PI4KA: variants seen among roughly 807,000 people sequenced by gnomAD.
PI4KA encodes the protein PI4-kinase alpha.
In PI4KA, 122 loss-of-function variants were observed where a neutral mutation model predicts 271.4. The ratio of observed to expected loss-of-function variants is 0.45; its 90% confidence interval spans 0.39 to 0.52. The LOEUF (loss-of-function observed/expected upper bound fraction) is 0.52. Among genes scored for constraint, PI4KA ranks in the 20% least tolerant of loss-of-function variants. PI4KA has a pLI of 0.00. For synonymous variants in PI4KA, 1,041 were observed against 1,078.8 expected, an observed-to-expected ratio of 0.96 and a Z score of 0.69; for missense variants, 1,969 against 2,769.1, an observed-to-expected ratio of 0.71 and a Z score of 6.48.
At chr22:20,798,728 CT>C in intron 16 of PI4KA, 41 bp from the exon 17 acceptor site, 2 of 1,284,312 alleles carry the variant, frequency 1.6e-6, no homozygotes, top group Admixed American at 3.4e-5. Context: ...GCAGGATGCC[CT>C]CATGAGGCCC....
intron 27 of PI4KA, 90 bp from the exon 28 acceptor site, chr22:20,750,084 C>T: frequency 1.2e-6 from 1 of 821,620 alleles, no homozygotes; most frequent in South Asian, 1.4e-5. Flanking sequence ...TATGTCTCCC[C>T]AAATCCCTAT....
chr22:20,819,599 G>A (rs780154359), intron 6 of PI4KA, 42 bp downstream of exon 6: 2 of 1,572,818 alleles, frequency 1.3e-6, no homozygotes, highest in Non-Finnish European at 1.7e-6. Flanking sequence ...GAGCTTAACA[G>A]GGTCTTTCTC....
At chr22:20,804,943 C>G in intron 11 of PI4KA, 31 bp downstream of exon 11, 1 of 1,557,092 alleles carries the variant, frequency 6.4e-7, no homozygotes, top group South Asian at 1.2e-5. Flanking sequence ...ATGCCTGGAG[C>G]TCACATGAGA....
chr22:20,837,262 A>G (rs768001627), intron 2 of PI4KA, among the ~76,000 whole-genome samples: 2 of 152,202 alleles, frequency 1.3e-5, no homozygotes, highest in Non-Finnish European at 2.9e-5. Context: ...CTATAATCCC[A>G]GCTGCTCAGG....
chr22:20,768,827 G>A (rs1932754891), intron 19 of PI4KA, among the ~76,000 whole-genome samples: 1 of 152,206 alleles, frequency 6.6e-6, no homozygotes, highest in South Asian at 2.1e-4. Context: ...AAGCGACACA[G>A]GGCAGGAAAT....
intron 1 of PI4KA, among the ~76,000 whole-genome samples, chr22:20,841,894 T>C (rs964725955): frequency 2.0e-5 from 3 of 152,000 alleles, no homozygotes; most frequent in Non-Finnish European, 4.4e-5. Context: ...AATCAAGGAA[T>C]GTGGGCAGCT....
chr22:20,727,203 G>A (rs770973125), intron 41 of PI4KA, 27 bp downstream of exon 41: 32 of 1,598,394 alleles, frequency 2.0e-5, no homozygotes, highest in Non-Finnish European at 2.6e-5. Context: ...CCTACCAGAG[G>A]CCAGCTCAGC....
chr22:20,857,406 G>T (rs1478219070), intron 1 of PI4KA, among the ~76,000 whole-genome samples: 1 of 152,176 alleles, frequency 6.6e-6, no homozygotes, highest in African/African-American at 2.4e-5. Context: ...AGGTCACTCT[G>T]CCAAAAGTGC....
chr22:20,777,551 G>C (rs1187911508), intron 19 of PI4KA, among the ~76,000 whole-genome samples: 7 of 152,132 alleles, frequency 4.6e-5, no homozygotes, highest in Admixed American at 4.6e-4. Context: ...ATGAGGTCTT[G>C]CTATGTTGCC....
intron 23 of PI4KA, among the ~76,000 whole-genome samples, chr22:20,756,349 T>C (rs1161492074): frequency 2.7e-5 from 4 of 150,564 alleles, no homozygotes; most frequent in Non-Finnish European, 4.5e-5. Context: ...GCCTCCCGAG[T>C]AGGTGGGATT....
In PI4KA at chr22:20,858,792, G is replaced by T; in HGVS notation, c.-67C>A. 3.7e-6 allele frequency: 5 copies of T among 1,367,918 alleles called. No homozygotes were observed. The highest frequency in any genetic ancestry group is 2.8e-6 in the Non-Finnish European group (3 of 1,057,194). 84.7% of individuals were successfully genotyped at this position (1,367,918 alleles called of 1,614,324 possible). On this transcript the variant is annotated 5_prime_UTR_variant, in exon 1 of 55. Transcript: ENST00000255882. ...TGGCCCGCGAGCGCCCGACCTCAGG[G>T]CGCAGGCGTAGGTGCATCCGGCTTT...
intron 9 of PI4KA, among the ~76,000 whole-genome samples, chr22:20,807,677 C>T (rs958702397): frequency 6.6e-6 from 1 of 152,136 alleles, no homozygotes; most frequent in East Asian, 1.9e-4. Flanking sequence ...GAGATGCCTG[C>T]GGGGGAGCAG....
chr22:20,808,992 G>C (rs1341717818), intron 9 of PI4KA, among the ~76,000 whole-genome samples: 27 of 152,188 alleles, frequency 1.8e-4, no homozygotes, highest in Admixed American at 1.8e-3. Flanking sequence ...ATCATGTGGA[G>C]AGTGTGAGAG....
chr22:20,747,431 G>C (rs910432557), intron 29 of PI4KA, 152 bp downstream of exon 29: 4 of 679,406 alleles, frequency 5.9e-6, no homozygotes, highest in Non-Finnish European at 9.3e-6. Flanking sequence ...CCAAGGTGCG[G>C]CTTGCACCAC....
At chr22:20,835,337 A>G (rs972227939) in intron 2 of PI4KA, among the ~76,000 whole-genome samples, 4 of 152,140 alleles carry the variant, frequency 2.6e-5, no homozygotes, top group Non-Finnish European at 5.9e-5. Flanking sequence ...CCAGTTAAGG[A>G]TTAGATGTGC....
intron 7 of PI4KA, among the ~76,000 whole-genome samples, chr22:20,815,672 C>T (rs1431713825): frequency 1.3e-5 from 2 of 151,932 alleles, no homozygotes; most frequent in African/African-American, 2.4e-5. Context: ...GGAGCTGAGA[C>T]GCCAAGAGGC....
At chr22:20,839,860 T>C (rs555132493) in intron 1 of PI4KA, among the ~76,000 whole-genome samples, 4 of 151,908 alleles carry the variant, frequency 2.6e-5, no homozygotes, top group Non-Finnish European at 5.9e-5. Flanking sequence ...TGTGAAGCAG[T>C]TGGGACTGAG....
chr22:20,751,601 A>G, intron 26 of PI4KA, 73 bp downstream of exon 26: 1 of 1,253,372 alleles, frequency 8.0e-7, no homozygotes, highest in South Asian at 1.2e-5. Flanking sequence ...GCCACAACAC[A>G]GGGCGGACAG....
intron 1 of PI4KA, among the ~76,000 whole-genome samples, chr22:20,848,488 T>C (rs566632864): frequency 2.0e-5 from 3 of 152,294 alleles, no homozygotes; most frequent in East Asian, 3.9e-4. Context: ...CAAGACAGTA[T>C]ACTAGCCAAC....
Sources: allele counts gnomAD v4.1 joint callset (sites outside exome capture counted in the v4.1 genomes callset), GRCh38; gene constraint gnomAD v4.1.1; transcripts MANE v1.5; gene names NCBI Gene and HGNC (gene_info 2026-07-23, HGNC 2026-07-21).